The following IPO11 variants were observed in gnomAD, a reference collection of about 807,000 sequenced individuals.
IPO11 encodes importin-11.
A neutral mutation model predicts 143.2 loss-of-function variants in IPO11; 66 were observed. The observed-to-expected ratio is 0.46, with a 90% CI of 0.38 to 0.57. IPO11 has a LOEUF of 0.57. IPO11 is among the 20% of genes least tolerant of loss of function. The probability of loss-of-function intolerance (pLI) is 0.00; values close to 1 mark genes in which losing one functional copy is unlikely to be tolerated. For missense variants in IPO11, 1,026 were observed against 1,141.0 expected, an observed-to-expected ratio of 0.90 and a Z score of 1.45; for synonymous variants, 385 against 377.8, an observed-to-expected ratio of 1.02 and a Z score of -0.22.
In IPO11 at chr5:62,415,839, T is replaced by C. The variant is rs928625268; in HGVS notation, c.-7+2910T>C. ...GAAATGAAATACATTGAGTGGGAAC[T>C]TCATTGCTTTCTGTTCTGTTTCACC... On this transcript the variant is annotated intron_variant, in intron 1 of 29. Transcript: ENST00000325324. Among the ~76,000 whole-genome samples the C allele has an allele frequency of 2.7e-4, 41 of 152,302 alleles. 1 individual carries two copies. In the East Asian group the frequency reaches 3.3e-3, roughly 12 times the overall value.
chr5:62,430,568 C>T (rs998529242), intron 1 of IPO11, among the ~76,000 whole-genome samples: 5 of 151,992 alleles, frequency 3.3e-5, no homozygotes, highest in East Asian at 1.9e-4. Context: ...GCAAACTGCC[C>T]GCCTCAGCCT....
Position 62,443,296 on chromosome 5 carries a change from A to C in IPO11, c.239+213A>C, listed in dbSNP as rs144267141. The C allele has an allele frequency of 2.8e-4, 125 of 442,290 alleles. 2 individuals carry two copies. Among genetic ancestry groups the C allele is most frequent in the Middle Eastern group, 2.0e-3 (4 of 2,030 alleles). 27.4% of individuals were successfully genotyped at this position (442,290 alleles called of 1,614,324 possible). ...TTTGATATTTAAAAAAAATGCAAAA[A>C]AAGTGTTTACTACTGAATAAGTGTT... is the stretch of plus-strand genomic sequence containing the variant. On this transcript the variant is annotated intron_variant, in intron 3 of 29. Coordinates refer to ENST00000325324, the MANE Select transcript of IPO11 (RefSeq NM_016338.5).
intron 29 of IPO11, among the ~76,000 whole-genome samples, chr5:62,606,480 T>TA (rs760722973): frequency 0.54 from 30,421 of 56,062 alleles, 9,836 homozygotes; most frequent in Non-Finnish European, 0.56. Flanking sequence ...GACCCTGTCT[T>TA]AAAAAAAAAA....
intron 27 of IPO11, among the ~76,000 whole-genome samples, chr5:62,575,162 A>G (rs1744266328): frequency 6.6e-6 from 1 of 152,232 alleles, no homozygotes; most frequent in Non-Finnish European, 1.5e-5. Context: ...TTTTACACGG[A>G]TATCATAGCT....
In IPO11 at chr5:62,627,330, A is replaced by C. The variant is rs372867652; in HGVS notation, c.*12A>C. On this transcript the variant is annotated 3_prime_UTR_variant, in exon 30 of 30. Coordinates refer to ENST00000325324, the MANE Select transcript of IPO11 (RefSeq NM_016338.5). ...TGCAAGGATTCTAAGAGCACATGACATGTGGCTGCCTCCCCTTTCAGAAAC... is the reference window on the plus strand; with the variant it reads ...TGCAAGGATTCTAAGAGCACATGACCTGTGGCTGCCTCCCCTTTCAGAAAC... 2.5e-6 allele frequency: 4 copies of C among 1,600,058 alleles called. No homozygotes were observed. Among genetic ancestry groups the C allele is most frequent in the Non-Finnish European group, 3.4e-6 (4 of 1,169,784 alleles).
At chr5:62,556,315 ACT>A (rs767659745) in intron 26 of IPO11, among the ~76,000 whole-genome samples, 2 of 152,074 alleles carry the variant, frequency 1.3e-5, no homozygotes, top group Non-Finnish European at 2.9e-5. Context: ...ATAGAGTGAG[ACT>A]CTGTCTCAAA....
rs1745373114 is a variant in IPO11, at chr5:62,598,557, T to TCTTTC, written c.2679-3207_2679-3206insCTTTC. On this transcript the variant is annotated intron_variant, in intron 28 of 29. Coordinates refer to ENST00000325324, the MANE Select transcript of IPO11 (RefSeq NM_016338.5). ...TTTCTTTTCTTTCTTTTCTTTCTTT[T>TCTTTC]TTTTTTTTATGGAGTCTTGCCCTGT... Among the ~76,000 whole-genome samples the TCTTTC allele has an allele frequency of 6.8e-5, 2 of 29,406 alleles. 1 individual carries two copies. Among genetic ancestry groups the TCTTTC allele is most frequent in the African/African-American group, 9.6e-4 (2 of 2,090 alleles). 19.3% of individuals were successfully genotyped at this position (29,406 alleles called of 152,430 possible). A position where few individuals can be genotyped will look rare whatever the true frequency, so the allele number is the denominator to read the frequency against.
At chr5:62,498,622 C>T (rs2112250654) in intron 16 of IPO11, among the ~76,000 whole-genome samples, 1 of 152,336 alleles carries the variant, frequency 6.6e-6, no homozygotes, top group African/African-American at 2.4e-5. Flanking sequence ...GGCACGGTGG[C>T]TCACGCCTGT....
intron 24 of IPO11, among the ~76,000 whole-genome samples, chr5:62,545,797 A>C (rs553879126): frequency 2.6e-4 from 39 of 152,358 alleles, no homozygotes; most frequent in African/African-American, 8.7e-4. Flanking sequence ...GGATATGAAC[A>C]GACACTTCTC....
intron 1 of IPO11, among the ~76,000 whole-genome samples, chr5:62,428,858 G>A (rs1743861135): frequency 6.6e-6 from 1 of 151,828 alleles, no homozygotes; most frequent in Non-Finnish European, 1.5e-5. Flanking sequence ...GTAGAGTTGA[G>A]GTCTCACTAT....
intron 28 of IPO11, among the ~76,000 whole-genome samples, chr5:62,595,218 C>G (rs1304351677): frequency 6.6e-6 from 1 of 152,106 alleles, no homozygotes; most frequent in Non-Finnish European, 1.5e-5. Flanking sequence ...TGAGAACCTA[C>G]TGCTGTGGAA....
intron 9 of IPO11, among the ~76,000 whole-genome samples, chr5:62,478,847 C>T (rs1332390763): frequency 3.3e-5 from 5 of 152,072 alleles, no homozygotes; most frequent in Admixed American, 6.6e-5. Context: ...GGGGATAGGG[C>T]AGGGATGGCA....
At chr5:62,427,607 C>T (rs1036172552) in intron 1 of IPO11, among the ~76,000 whole-genome samples, 2 of 152,216 alleles carry the variant, frequency 1.3e-5, no homozygotes, top group Non-Finnish European at 2.9e-5. Context: ...AGCATTAGAT[C>T]CTCATAAAAG....
chr5:62,501,480 C>G (rs923959812), intron 16 of IPO11, among the ~76,000 whole-genome samples: 5 of 152,064 alleles, frequency 3.3e-5, no homozygotes, highest in African/African-American at 9.7e-5. Flanking sequence ...ATTGATATGT[C>G]TATTAATTAT....
intron 29 of IPO11, among the ~76,000 whole-genome samples, chr5:62,624,945 A>G (rs891794943): frequency 6.8e-6 from 1 of 146,360 alleles, no homozygotes; most frequent in Non-Finnish European, 1.5e-5. Context: ...AAATCGCGCC[A>G]GTGCACTCCA....
chr5:62,500,823 C>T (rs1409383719), intron 16 of IPO11, among the ~76,000 whole-genome samples: 1 of 152,180 alleles, frequency 6.6e-6, no homozygotes, highest in East Asian at 1.9e-4. Context: ...TTTTATACTA[C>T]TGGCTGTGCA....
intron 5 of IPO11, among the ~76,000 whole-genome samples, chr5:62,453,147 A>G (rs1387486286): frequency 6.6e-6 from 1 of 151,104 alleles, no homozygotes; most frequent in African/African-American, 2.5e-5. Flanking sequence ...GTAGTTTTGT[A>G]GAAAGATTTT....
chr5:62,579,722 A>T, intron 27 of IPO11: 2 of 1,548,324 alleles, frequency 1.3e-6, no homozygotes, highest in Non-Finnish European at 1.7e-6. Flanking sequence ...GATAATTCTA[A>T]CATTCTGTAT....
intron 22 of IPO11, 82 bp downstream of exon 22, chr5:62,530,867 AC>A (rs1399750240): frequency 3.8e-6 from 4 of 1,065,568 alleles, no homozygotes; most frequent in Non-Finnish European, 5.8e-6. Context: ...TGGAGGCATT[AC>A]AACAAAGTTG....
Sources: gnomAD v4.1 joint callset for allele counts (sites outside exome capture counted in the v4.1 genomes callset) on GRCh38, gnomAD v4.1.1 for gene constraint, MANE v1.5 for transcripts, NCBI Gene and HGNC (gene_info 2026-07-23, HGNC 2026-07-21) for gene names.